Variants in ZCCHC17 observed in about 807,000 individuals in gnomAD.
ZCCHC17 encodes zinc finger CCHC-type containing 17.
ZCCHC17 carries 18 observed loss-of-function variants against 30.6 expected under a neutral mutation model. The observed-to-expected ratio is 0.59, with a 90% confidence interval of 0.41 to 0.87. The LOEUF (loss-of-function observed/expected upper bound fraction) is 0.87. Ranked by LOEUF, ZCCHC17 falls within the 40% of genes least tolerant of loss-of-function variation. The pLI, the probability that ZCCHC17 is intolerant of heterozygous loss-of-function variation, is 0.00. For synonymous variants in ZCCHC17, 88 were observed against 92.4 expected (o/e 0.95, Z 0.27); for missense variants, 263 against 284.2 (o/e 0.93, Z 0.54).
chr1:31,331,875 G>A (rs1638604269), intron 3 of ZCCHC17, among the ~76,000 whole-genome samples: 1 of 152,114 alleles, frequency 6.6e-6, no homozygotes, highest in Non-Finnish European at 1.5e-5. Context: ...CTCCCAAAGT[G>A]CTGGGATTAC....
At chr1:31,315,152 C>T (rs1046943014) in intron 2 of ZCCHC17, among the ~76,000 whole-genome samples, 1 of 152,162 alleles carries the variant, frequency 6.6e-6, no homozygotes, top group Admixed American at 6.5e-5. Flanking sequence ...CCATGATTGT[C>T]TCATATGTCT....
intron 3 of ZCCHC17, among the ~76,000 whole-genome samples, chr1:31,320,408 A>G (rs997721046): frequency 6.6e-6 from 1 of 152,192 alleles, no homozygotes; most frequent in Non-Finnish European, 1.5e-5. Flanking sequence ...GACCATCACC[A>G]CGATCTACTT....
intron 3 of ZCCHC17, among the ~76,000 whole-genome samples, chr1:31,325,369 C>T (rs1638295888): frequency 6.6e-6 from 1 of 152,228 alleles, no homozygotes; most frequent in South Asian, 2.1e-4. Flanking sequence ...TGTAACAGAT[C>T]CAAGGGCTCC....
In ZCCHC17 at chr1:31,344,101, T is replaced by C. The variant is rs376956166; in HGVS notation, c.318-2539T>C. On this transcript the variant is annotated intron_variant, in intron 5 of 7. Transcript: ENST00000344147. ...AACTCCTAACTTCGGGTGATCTTCC[T>C]GTCTCGGCCTCCCAAAGTGCTAGGA... 1.5e-4 allele frequency among the ~76,000 whole-genome samples: 23 copies of C among 152,066 alleles called. No individual in the cohort carries two copies. In the East Asian group the frequency reaches 3.3e-3, roughly 22 times the overall value.
intron 3 of ZCCHC17, among the ~76,000 whole-genome samples, chr1:31,320,281 A>T (rs1262835115): frequency 6.6e-6 from 1 of 152,270 alleles, no homozygotes; most frequent in East Asian, 1.9e-4. Flanking sequence ...TATACACTTT[A>T]TGATTCCATT....
chr1:31,297,718 G>A (rs1345272138), intron 1 of ZCCHC17, among the ~76,000 whole-genome samples: 2 of 152,190 alleles, frequency 1.3e-5, no homozygotes, highest in Non-Finnish European at 2.9e-5. Context: ...ATGAGTGCCT[G>A]AAATAAGCAG....
At chr1:31,301,289 A>G (rs1441471184) in intron 1 of ZCCHC17, among the ~76,000 whole-genome samples, 1 of 152,196 alleles carries the variant, frequency 6.6e-6, no homozygotes, top group African/African-American at 2.4e-5. Flanking sequence ...CATGCTTACA[A>G]GAGTTCCACA....
intron 3 of ZCCHC17, among the ~76,000 whole-genome samples, chr1:31,334,315 C>CTG: frequency 1.8e-5 from 1 of 55,416 alleles, no homozygotes; most frequent in African/African-American, 7.8e-5. Flanking sequence ...CTCTCTCTCT[C>CTG]TCTCTCTCTC....
At chr1:31,318,577 CA>C (rs1462475552) in intron 2 of ZCCHC17, among the ~76,000 whole-genome samples, 1 of 152,070 alleles carries the variant, frequency 6.6e-6, no homozygotes, top group Non-Finnish European at 1.5e-5. Flanking sequence ...TGATGAAACC[CA>C]AGACTCAGAC....
Position 31,339,031 on chromosome 1 carries a change from C to CA in ZCCHC17, c.302dup (p.Asn101LysfsTer6). On this transcript the variant is annotated frameshift_variant, in exon 5 of 8. Transcript: ENST00000344147. LOFTEE classifies it high-confidence loss of function. ...AAGGGACTGGGAAAGACCTTGATCCCAACAATGTTATCATTGAGTAAGTAA... is the reference window on the plus strand; with the variant it reads ...AAGGGACTGGGAAAGACCTTGATCCCAAACAATGTTATCATTGAGTAAGTAA... 5.6e-6 allele frequency: 9 copies of CA among 1,609,682 alleles called. No homozygotes were observed. The highest frequency in any genetic ancestry group is 7.6e-6 in the Non-Finnish European group (9 of 1,178,490).
chr1:31,354,729 A>T (rs1279811067), intron 7 of ZCCHC17, among the ~76,000 whole-genome samples: 1 of 152,170 alleles, frequency 6.6e-6, no homozygotes, highest in Non-Finnish European at 1.5e-5. Context: ...TTCAGTTCAC[A>T]AAACCAATTA....
chr1:31,361,790 T>C (rs1464168165), intron 7 of ZCCHC17, among the ~76,000 whole-genome samples: 1 of 93,062 alleles, frequency 1.1e-5, no homozygotes, highest in Non-Finnish European at 2.2e-5. Flanking sequence ...GGGGAGATTA[T>C]TTATTTATTT....
intron 1 of ZCCHC17, among the ~76,000 whole-genome samples, chr1:31,301,683 C>T (rs977356205): frequency 6.6e-6 from 1 of 152,166 alleles, no homozygotes; most frequent in South Asian, 2.1e-4. Flanking sequence ...CAGCCTTTGT[C>T]AAATCACTTG....
intron 5 of ZCCHC17, among the ~76,000 whole-genome samples, chr1:31,346,127 G>A (rs1639261821): frequency 6.6e-6 from 1 of 152,202 alleles, no homozygotes; most frequent in Non-Finnish European, 1.5e-5. Flanking sequence ...GTGAAGTGGT[G>A]AGGTGAGAGT....
chr1:31,334,691 A>G (rs1283039591), intron 3 of ZCCHC17, among the ~76,000 whole-genome samples: 1 of 152,134 alleles, frequency 6.6e-6, no homozygotes, highest in Non-Finnish European at 1.5e-5. Flanking sequence ...GTTATTTAGT[A>G]TGGGAAAATG....
intron 7 of ZCCHC17, among the ~76,000 whole-genome samples, chr1:31,354,780 G>A (rs1227496699): frequency 6.6e-6 from 1 of 152,146 alleles, no homozygotes; most frequent in Non-Finnish European, 1.5e-5. Flanking sequence ...TTTATGACCT[G>A]CTTAGTCAAC....
At chr1:31,337,073 A>T (rs1638847781) in intron 3 of ZCCHC17, 102 bp from the exon 4 acceptor site, 2 of 1,113,174 alleles carry the variant, frequency 1.8e-6, no homozygotes, top group African/African-American at 3.2e-5. Context: ...AAAAATTTTC[A>T]TTTTTCCCTT....
At chr1:31,353,398 A>G (rs1027872754) in intron 7 of ZCCHC17, among the ~76,000 whole-genome samples, 1 of 152,222 alleles carries the variant, frequency 6.6e-6, no homozygotes, top group African/African-American at 2.4e-5. Context: ...TAAAGAACAT[A>G]TAACATTTAC....
intron 5 of ZCCHC17, among the ~76,000 whole-genome samples, chr1:31,339,764 G>A (rs1259789819): frequency 6.6e-6 from 1 of 152,102 alleles, no homozygotes; most frequent in African/African-American, 2.4e-5. Flanking sequence ...GAGACCACGT[G>A]GAAGGGTAGA....
Sources: allele counts gnomAD v4.1 joint callset (sites outside exome capture counted in the v4.1 genomes callset), GRCh38; gene constraint gnomAD v4.1.1; transcripts MANE v1.5; gene names NCBI Gene and HGNC (gene_info 2026-07-23, HGNC 2026-07-21).